The following DTNBP1 variants were observed in gnomAD, a reference collection of about 807,000 sequenced individuals.
The protein encoded by DTNBP1 is dystrobrevin binding protein 1.
A neutral mutation model predicts 42.8 loss-of-function variants in DTNBP1; 35 were observed. The ratio of observed to expected loss-of-function variants is 0.82; its 90% CI spans 0.63 to 1.09. DTNBP1 has a LOEUF of 1.09. Ranked by LOEUF, DTNBP1 falls within the 50% of genes least tolerant of loss-of-function variation. The probability of loss-of-function intolerance (pLI) is 0.00; values close to 1 mark genes in which losing one functional copy is unlikely to be tolerated. For synonymous variants in DTNBP1, 171 were observed against 162.2 expected, an observed-to-expected ratio of 1.05 and a Z score of -0.41; for missense variants, 457 against 424.2, an observed-to-expected ratio of 1.08 and a Z score of -0.68.
intron 6 of DTNBP1, among the ~76,000 whole-genome samples, chr6:15,609,551 C>T (rs560795489): frequency 2.0e-5 from 3 of 152,296 alleles, no homozygotes; most frequent in African/African-American, 7.2e-5. Flanking sequence ...TATCTCCTGA[C>T]CTCGTGTTCC....
intron 7 of DTNBP1, 128 bp downstream of exon 7, chr6:15,592,931 A>C: frequency 3.1e-6 from 3 of 973,490 alleles, no homozygotes; most frequent in Non-Finnish European, 4.6e-6. Flanking sequence ...CCTACAAAAA[A>C]CAGTATTAAG....
At chr6:15,565,254 A>C (rs995332259) in intron 7 of DTNBP1, among the ~76,000 whole-genome samples, 20 of 152,278 alleles carry the variant, frequency 1.3e-4, no homozygotes, top group Non-Finnish European at 2.2e-4. Context: ...GTAAAAAGTC[A>C]CTCTGGAAAA....
chr6:15,546,692 C>T (rs1173082470), intron 7 of DTNBP1, among the ~76,000 whole-genome samples: 1 of 152,126 alleles, frequency 6.6e-6, no homozygotes, highest in African/African-American at 2.4e-5. Flanking sequence ...TTCACAGGCT[C>T]AGACTAGGAG....
At chr6:15,625,840 G>A (rs1384866176) in intron 5 of DTNBP1, among the ~76,000 whole-genome samples, 1 of 152,198 alleles carries the variant, frequency 6.6e-6, no homozygotes, top group Non-Finnish European at 1.5e-5. Flanking sequence ...AAAGAAAGTG[G>A]CTAAGAAGAA....
In DTNBP1 at chr6:15,533,298, G is replaced by A. The variant is rs868661401; in HGVS notation, c.609C>T (p.Phe203=). ...ACAGGTACTGCTCCATGTCCTGCTG[G>A]AAGGCTTCCTCAAAAAACTTCTGCC... ...KERQKFFEEA[F]QQDMEQYLST... Residue 203 remains phenylalanine (F), a synonymous_variant, in exon 8 of 10, where the codon TTC becomes TTT. Transcript: ENST00000344537. The A allele has an allele frequency of 6.2e-7, 1 of 1,614,190 alleles. No homozygotes were observed. Among genetic ancestry groups the A allele is most frequent in the South Asian group, 1.1e-5 (1 of 91,084 alleles).
chr6:15,542,518 C>T (rs1773630822), intron 7 of DTNBP1, among the ~76,000 whole-genome samples: 1 of 151,706 alleles, frequency 6.6e-6, no homozygotes, highest in South Asian at 2.1e-4. Context: ...ATTACAGGCA[C>T]ACGCCACCAC....
At chr6:15,660,511 C>A (rs1192831351) in intron 1 of DTNBP1, 1 of 1,289,742 alleles carries the variant, frequency 7.8e-7, no homozygotes, top group Admixed American at 2.3e-5. Flanking sequence ...GGTTTGTCAG[C>A]TGAAAGTGAC....
At position 15,591,418 on chromosome 6, in the gene DTNBP1, T is replaced by A. The variant is rs181674094; in HGVS notation, c.511+1641A>T. On this transcript the variant is annotated intron_variant, in intron 7 of 9. Coordinates refer to ENST00000344537, the MANE Select transcript of DTNBP1 (RefSeq NM_032122.5). ...GAGCTACCATGCCCAGGCCACGTTT[T>A]AAAAATATTAGCAAAACACTCAAGA... 8.2e-3 allele frequency among the ~76,000 whole-genome samples: 1,241 copies of A among 152,240 alleles called. 8 individuals carry two copies. Among genetic ancestry groups the A allele is most frequent in the Non-Finnish European group, 0.011 (734 of 68,008 alleles).
intron 7 of DTNBP1, among the ~76,000 whole-genome samples, chr6:15,592,456 T>A (rs900263845): frequency 6.6e-6 from 1 of 152,216 alleles, no homozygotes; most frequent in African/African-American, 2.4e-5. Flanking sequence ...TGTTTCTCCA[T>A]GACCAGTAAG....
chr6:15,530,499 T>TGCAGGTATTTCCA (rs1165171216), intron 8 of DTNBP1, among the ~76,000 whole-genome samples: 3 of 152,254 alleles, frequency 2.0e-5, no homozygotes, highest in African/African-American at 7.2e-5. Flanking sequence ...CATATTTCCT[T>TGCAGGTATTTCCA]GCAGGTATTT....
At chr6:15,578,081 G>A (rs1451440731) in intron 7 of DTNBP1, among the ~76,000 whole-genome samples, 4 of 152,232 alleles carry the variant, frequency 2.6e-5, no homozygotes, top group Non-Finnish European at 4.4e-5. Context: ...AGAGGACAAC[G>A]CTGCCAGAGC....
At chr6:15,550,550 T>TG in intron 7 of DTNBP1, among the ~76,000 whole-genome samples, 1 of 152,302 alleles carries the variant, frequency 6.6e-6, no homozygotes, top group African/African-American at 2.4e-5. Flanking sequence ...CTCTAAAAGG[T>TG]TCAGTGACAG....
chr6:15,613,264 T>C (rs1225781391), intron 6 of DTNBP1, among the ~76,000 whole-genome samples: 191 of 146,980 alleles, frequency 1.3e-3, no homozygotes, highest in African/African-American at 4.6e-3. Flanking sequence ...GATCATGCCA[T>C]TGCACTCCAG....
At chr6:15,530,353 G>T (rs1475201299) in intron 8 of DTNBP1, among the ~76,000 whole-genome samples, 2 of 152,130 alleles carry the variant, frequency 1.3e-5, no homozygotes, top group Non-Finnish European at 2.9e-5. Flanking sequence ...GCCCAGGGCC[G>T]CCAATTTTCT....
intron 3 of DTNBP1, among the ~76,000 whole-genome samples, chr6:15,651,020 T>C (rs531509724): frequency 6.6e-6 from 1 of 152,290 alleles, no homozygotes; most frequent in East Asian, 1.9e-4. Context: ...AACAAAATTA[T>C]TGGGGACTCA....
intron 7 of DTNBP1, among the ~76,000 whole-genome samples, chr6:15,558,870 A>T (rs929564921): frequency 6.6e-6 from 1 of 152,174 alleles, no homozygotes; most frequent in Non-Finnish European, 1.5e-5. Context: ...TTGCTGTTTG[A>T]TATTGCAGTA....
intron 3 of DTNBP1, 64 bp downstream of exon 3, chr6:15,651,249 A>C: frequency 6.9e-7 from 1 of 1,450,018 alleles, no homozygotes; most frequent in South Asian, 1.2e-5. Context: ...TACAAAATTA[A>C]AAGATATTTT....
chr6:15,623,179 T>A (rs1331097216), intron 5 of DTNBP1, among the ~76,000 whole-genome samples: 1 of 152,188 alleles, frequency 6.6e-6, no homozygotes, highest in Non-Finnish European at 1.5e-5. Context: ...TCTTGAAGGG[T>A]CTAGCCTCAG....
At chr6:15,633,165 G>A (rs1459499480) in intron 4 of DTNBP1, among the ~76,000 whole-genome samples, 2 of 152,192 alleles carry the variant, frequency 1.3e-5, no homozygotes, top group African/African-American at 4.8e-5. Context: ...CTGCACACAA[G>A]CAACTGTTAA....
Sources: gnomAD v4.1 joint callset for allele counts (sites outside exome capture counted in the v4.1 genomes callset) on GRCh38, gnomAD v4.1.1 for gene constraint, MANE v1.5 for transcripts, NCBI Gene and HGNC (gene_info 2026-07-23, HGNC 2026-07-21) for gene names.